Variants in MTMR1 observed in about 807,000 individuals in gnomAD.
The protein encoded by MTMR1 is phosphatidylinositol-3-phosphate phosphatase MTMR1.
Under a neutral mutation model 51.6 loss-of-function variants are expected in MTMR1, and 17 were observed. That is an observed-to-expected ratio of 0.33 (90% confidence interval 0.23 to 0.49). The LOEUF is 0.49. Ranked by LOEUF, MTMR1 falls within the 20% of genes least tolerant of loss-of-function variation. The probability of loss-of-function intolerance (pLI) is 0.99; values close to 1 mark genes in which losing one functional copy is unlikely to be tolerated. For missense variants in MTMR1, 386 were observed against 526.9 expected (o/e 0.73, Z 2.62); for synonymous variants, 201 against 205.6 (o/e 0.98, Z 0.19).
At chrX:150,719,107 T>G (rs915311595) in intron 4 of MTMR1, among the ~76,000 whole-genome samples, 2 of 111,891 alleles carry the variant, frequency 1.8e-5, no homozygotes, top group Non-Finnish European at 3.8e-5. Flanking sequence ...TCCCAAAAAG[T>G]ACAATTTTGG....
intron 12 of MTMR1, among the ~76,000 whole-genome samples, chrX:150,741,234 G>A (rs782653741): frequency 9.0e-6 from 1 of 111,522 alleles, no homozygotes; most frequent in South Asian, 3.8e-4. Flanking sequence ...AAAGCCCTTG[G>A]TGATCTGGCC....
At chrX:150,721,732 T>C (rs782153309) in intron 4 of MTMR1, among the ~76,000 whole-genome samples, 11 of 111,712 alleles carry the variant, frequency 9.8e-5, no homozygotes, top group Non-Finnish European at 2.1e-4. Flanking sequence ...TTTGGTTTTA[T>C]TATTTTCTTT....
chrX:150,730,715 T>C (rs2042091625), intron 8 of MTMR1, 107 bp downstream of exon 8: 2 of 408,000 alleles, frequency 4.9e-6, no homozygotes, highest in Admixed American at 8.5e-5. Flanking sequence ...GAACAAGTTA[T>C]GCACAGGTTT....
In MTMR1 at chrX:150,762,883, C is replaced by T. The variant is rs2043187762; in HGVS notation, c.*154C>T. ...GGTGACAGCTCCCACTGTTGGCAACCGTTACCCTCCTGTCAGCGGTTTCAC... is the reference window on the plus strand; with the variant it reads ...GGTGACAGCTCCCACTGTTGGCAACTGTTACCCTCCTGTCAGCGGTTTCAC... On this transcript the variant is annotated 3_prime_UTR_variant, in exon 16 of 16. Transcript: ENST00000445323. 4.9e-6 allele frequency: 3 copies of T among 612,665 alleles called. No individual in the cohort carries two copies. The highest frequency in any genetic ancestry group is 4.9e-5 in the South Asian group (1 of 20,493). The allele number at this position is 612,665 out of a possible 1,213,427, so 50.5% of individuals were successfully genotyped here. A position where few individuals can be genotyped will look rare whatever the true frequency, so the allele number is the denominator to read the frequency against.
In MTMR1 at chrX:150,693,428, C is replaced by T. The variant is rs2040544478; in HGVS notation, c.-103C>T. The T allele has an allele frequency of 2.7e-6, 2 of 750,879 alleles. No homozygotes were observed. Among genetic ancestry groups the T allele is most frequent in the Non-Finnish European group, 3.1e-6 (2 of 636,574 alleles). 61.9% of individuals were successfully genotyped at this position (750,879 alleles called of 1,213,427 possible). A position where few individuals can be genotyped will look rare whatever the true frequency, so the allele number is the denominator to read the frequency against. ...AATGGCGGCGGCCGCCTGAGGCGGG[C>T]GGGCGGTATAGAGCGGGCGGCAGGA... On this transcript the variant is annotated 5_prime_UTR_variant, in exon 1 of 16. Transcript: ENST00000445323.
rs868988605 is a variant in MTMR1, at chrX:150,764,049, A to G, written c.*1320A>G. 6 of 109,561 alleles carry G rather than the reference A, an allele frequency of 5.5e-5. No homozygotes were observed. The highest frequency in any genetic ancestry group is 5.7e-5 in the Non-Finnish European group (3 of 52,274). 9.0% of individuals were successfully genotyped at this position (109,561 alleles called of 1,213,427 possible). ...TGCCTGTTGCTGCAGCTGCCCCCCC[A>G]CCCCGCCACTGGCTGCAGGAATTCA... On this transcript the variant is annotated 3_prime_UTR_variant, in exon 16 of 16. Transcript: ENST00000445323.
intron 4 of MTMR1, among the ~76,000 whole-genome samples, chrX:150,721,970 T>C (rs1187131147): frequency 1.8e-5 from 2 of 112,083 alleles, no homozygotes; most frequent in African/African-American, 6.5e-5. Context: ...ATCAAAATGC[T>C]TTTGAATTCC....
Position 150,731,471 on chromosome X carries a change from G to C in MTMR1, c.743G>C (p.Gly248Ala). 2.5e-6 allele frequency: 3 copies of C among 1,190,118 alleles called. No homozygotes were observed. The highest frequency in any genetic ancestry group is 3.4e-6 in the Non-Finnish European group (3 of 883,625). The change falls in exon 9 of 16, where the codon GGC becomes GCC. Residue 248 changes from glycine (G) to alanine (A), a missense_variant and splice_region_variant. Physicochemically the swap from Gly to Ala is moderately conservative, Grantham distance 60. Transcript: ENST00000445323. ...YDPVSEYKRQ[G>A]LPNESWKISK... is the part of the protein sequence containing the mutation. ...TCTTCTTTCTCCAACACCTTACAGGGCTTGCCAAATGAGAGTTGGAAAATA... is the reference window on the plus strand; with the variant it reads ...TCTTCTTTCTCCAACACCTTACAGGCCTTGCCAAATGAGAGTTGGAAAATA...
At chrX:150,759,336 A>G (rs191224521) in intron 15 of MTMR1, among the ~76,000 whole-genome samples, 1 of 112,376 alleles carries the variant, frequency 8.9e-6, no homozygotes, top group East Asian at 2.8e-4. Flanking sequence ...ACAGAGTGTC[A>G]GAAGTCACTA....
At chrX:150,709,884 G>A (rs1248560569) in intron 2 of MTMR1, among the ~76,000 whole-genome samples, 4 of 112,517 alleles carry the variant, frequency 3.6e-5, no homozygotes, top group South Asian at 3.6e-4. Context: ...GAGATTTAGA[G>A]GGGACAACGT....
intron 2 of MTMR1, among the ~76,000 whole-genome samples, chrX:150,701,209 T>C (rs2040895029): frequency 8.9e-6 from 1 of 111,872 alleles, no homozygotes; most frequent in African/African-American, 3.3e-5. Flanking sequence ...GAGAGTTTTT[T>C]TTTTTACATA....
chrX:150,693,427 G>A lies in MTMR1; in HGVS notation c.-104G>A, dbSNP rs1392889815. 1 of 750,094 alleles carries A rather than the reference G, an allele frequency of 1.3e-6. No individual in the cohort carries two copies. Among genetic ancestry groups the A allele is most frequent in the African/African-American group, 2.3e-5 (1 of 43,131 alleles). 61.8% of individuals were successfully genotyped at this position (750,094 alleles called of 1,213,427 possible). A position where few individuals can be genotyped will look rare whatever the true frequency, so the allele number is the denominator to read the frequency against. The stretch of plus-strand genomic sequence containing the variant: ...TAATGGCGGCGGCCGCCTGAGGCGG[G>A]CGGGCGGTATAGAGCGGGCGGCAGG... On this transcript the variant is annotated 5_prime_UTR_variant, in exon 1 of 16. Transcript: ENST00000445323.
intron 1 of MTMR1, among the ~76,000 whole-genome samples, chrX:150,698,889 T>C (rs1398444080): frequency 9.0e-6 from 1 of 111,244 alleles, no homozygotes; most frequent in Non-Finnish European, 1.9e-5. Flanking sequence ...AAAAGAAGTA[T>C]TTCTTCCATA....
chrX:150,751,329 T>A, intron 14 of MTMR1: 1 of 534,104 alleles, frequency 1.9e-6, no homozygotes, highest in Non-Finnish European at 2.3e-6. Flanking sequence ...TCTTTTTCCC[T>A]CAGTGTGGGA....
chrX:150,724,235 CATCTCTT>C (rs1196895100), intron 4 of MTMR1, among the ~76,000 whole-genome samples: 4 of 110,728 alleles, frequency 3.6e-5, no homozygotes, highest in Non-Finnish European at 7.6e-5. Context: ...GCAACCTCAT[CATCTCTT>C]ATTTTTTTTT....
At chrX:150,727,445 A>T (rs2041976547) in intron 5 of MTMR1, 136 bp downstream of exon 5, 3 of 533,107 alleles carry the variant, frequency 5.6e-6, no homozygotes, top group Non-Finnish European at 9.0e-6. Context: ...ACACATTTGC[A>T]AACAGATGTT....
rs2042275629 is a variant in MTMR1, at chrX:150,736,584, G to C, written c.1081-11G>C. ...CCAGATAATGTGATGTATTTGTTTT[G>C]TTTTTCGTAGACAAAGGGTGGAGGA... On this transcript the variant is annotated splice_polypyrimidine_tract_variant and intron_variant, in intron 10 of 15. Transcript: ENST00000445323. The C allele has an allele frequency of 1.7e-6, 2 of 1,199,321 alleles. No homozygotes were observed.
chrX:150,699,072 G>A (rs186545940), intron 1 of MTMR1, 123 bp from the exon 2 acceptor site: 2 of 350,821 alleles, frequency 5.7e-6, no homozygotes, highest in East Asian at 4.3e-5. Flanking sequence ...AAAATGTGAA[G>A]GTAACCAAAG....
At chrX:150,732,977 A>G (rs1226760150) in intron 10 of MTMR1, among the ~76,000 whole-genome samples, 1 of 112,328 alleles carries the variant, frequency 8.9e-6, no homozygotes, top group African/African-American at 3.2e-5. Context: ...GTAAAGACCT[A>G]GAAAGACAAT....
Sources: allele counts gnomAD v4.1 joint callset (sites outside exome capture counted in the v4.1 genomes callset), GRCh38; gene constraint gnomAD v4.1.1; transcripts MANE v1.5; gene names NCBI Gene and HGNC (gene_info 2026-07-23, HGNC 2026-07-21).